Variants in IPCEF1 observed in about 807,000 individuals in gnomAD.
The protein encoded by IPCEF1 is interactor protein for cytohesin exchange factors 1.
IPCEF1 carries 31 observed loss-of-function variants against 50.9 expected under a neutral mutation model. The observed-to-expected ratio is 0.61, with a 90% CI of 0.46 to 0.82. The LOEUF (loss-of-function observed/expected upper bound fraction) is 0.82, where lower values mean the gene tolerates loss of function less well. Among genes scored for constraint, IPCEF1 ranks in the 40% least tolerant of loss-of-function variants. IPCEF1 has a pLI of 0.00. For missense variants in IPCEF1, 458 were observed against 514.0 expected, an observed-to-expected ratio of 0.89 and a Z score of 1.05; for synonymous variants, 181 against 192.0, an observed-to-expected ratio of 0.94 and a Z score of 0.47.
At chr6:154,212,280 G>C (rs539945962) in intron 9 of IPCEF1, among the ~76,000 whole-genome samples, 9 of 152,102 alleles carry the variant, frequency 5.9e-5, no homozygotes, top group African/African-American at 2.2e-4. Flanking sequence ...TTCCTCTCTA[G>C]TGAATACACA....
intron 11 of IPCEF1, among the ~76,000 whole-genome samples, chr6:154,162,973 A>C (rs931758070): frequency 6.6e-6 from 1 of 152,152 alleles, no homozygotes; most frequent in Non-Finnish European, 1.5e-5. Context: ...CAAAGCACTT[A>C]ATGGTAACTC....
At chr6:154,277,409 T>A (rs916330775) in intron 2 of IPCEF1, among the ~76,000 whole-genome samples, 1 of 152,212 alleles carries the variant, frequency 6.6e-6, no homozygotes, top group Non-Finnish European at 1.5e-5. Flanking sequence ...AGAATAGATT[T>A]GCTTTCTCTG....
chr6:154,232,169 C>T (rs982485690), intron 5 of IPCEF1, among the ~76,000 whole-genome samples: 1 of 152,064 alleles, frequency 6.6e-6, no homozygotes, highest in Non-Finnish European at 1.5e-5. Context: ...AAAGGAAATA[C>T]GAAGATTAGC....
chr6:154,163,383 G>C (rs1428363967), intron 11 of IPCEF1, among the ~76,000 whole-genome samples: 1 of 152,112 alleles, frequency 6.6e-6, no homozygotes, highest in Non-Finnish European at 1.5e-5. Flanking sequence ...TCCTTTTTCA[G>C]ATTTTACACA....
chr6:154,220,301 G>T (rs1227102539), intron 7 of IPCEF1, among the ~76,000 whole-genome samples: 1 of 152,104 alleles, frequency 6.6e-6, no homozygotes, highest in Non-Finnish European at 1.5e-5. Context: ...TGAGAATAGG[G>T]CTAAATCAAA....
intron 2 of IPCEF1, among the ~76,000 whole-genome samples, chr6:154,274,821 T>C (rs930772153): frequency 1.3e-5 from 2 of 152,216 alleles, no homozygotes; most frequent in African/African-American, 4.8e-5. Context: ...TTGCGCCCAA[T>C]CAAGGTTCCC....
At chr6:154,184,570 GA>G (rs1342850948) in intron 10 of IPCEF1, among the ~76,000 whole-genome samples, 1 of 151,820 alleles carries the variant, frequency 6.6e-6, no homozygotes, top group Non-Finnish European at 1.5e-5. Flanking sequence ...TTGGTACATA[GA>G]AAAAATACAC....
At chr6:154,235,142 T>C (rs938762820) in intron 5 of IPCEF1, among the ~76,000 whole-genome samples, 3 of 152,242 alleles carry the variant, frequency 2.0e-5, no homozygotes, top group African/African-American at 7.2e-5. Context: ...TAATCTACCA[T>C]CCATGGTTAT....
intron 3 of IPCEF1, among the ~76,000 whole-genome samples, chr6:154,248,524 T>C (rs1437589625): frequency 6.6e-6 from 1 of 152,174 alleles, no homozygotes; most frequent in African/African-American, 2.4e-5. Context: ...GTACAGCATT[T>C]TATAATGTTT....
rs562399896 is a variant in IPCEF1, at chr6:154,245,008, A to G, written c.246+1583T>C. On this transcript the variant is annotated intron_variant, in intron 5 of 11. Transcript: ENST00000367220. ...CCCCAAAACAAAGGCCTGAAATAATATGAGACAAGAAAGAGACATTTATAT... is the reference window on the plus strand; with the variant it reads ...CCCCAAAACAAAGGCCTGAAATAATGTGAGACAAGAAAGAGACATTTATAT... 3.3e-5 allele frequency among the ~76,000 whole-genome samples: 5 copies of G among 152,320 alleles called. No individual in the cohort carries two copies. In the South Asian group the frequency reaches 1.0e-3, roughly 32 times the overall value.
At chr6:154,268,469 C>A (rs1781813656) in intron 2 of IPCEF1, among the ~76,000 whole-genome samples, 1 of 152,222 alleles carries the variant, frequency 6.6e-6, no homozygotes, top group African/African-American at 2.4e-5. Flanking sequence ...TGTCCACACC[C>A]ATTGCCATCA....
chr6:154,316,323 A>T (rs180990461), intron 1 of IPCEF1, among the ~76,000 whole-genome samples: 17 of 152,324 alleles, frequency 1.1e-4, no homozygotes, highest in African/African-American at 3.8e-4. Flanking sequence ...TGGGAAACCA[A>T]AAAAATTAAG....
chr6:154,313,245 G>A (rs1783129934), intron 1 of IPCEF1, among the ~76,000 whole-genome samples: 1 of 151,522 alleles, frequency 6.6e-6, no homozygotes, highest in Admixed American at 6.6e-5. Context: ...AGTAGTGGTG[G>A]GTGCCTGTAA....
intron 10 of IPCEF1, among the ~76,000 whole-genome samples, chr6:154,175,380 C>T (rs1017637764): frequency 2.2e-5 from 3 of 136,024 alleles, no homozygotes; most frequent in African/African-American, 8.8e-5. Context: ...TCAGTGAATC[C>T]AGGAGCTTTT....
At chr6:154,216,135 T>C (rs1291343473) in intron 7 of IPCEF1, among the ~76,000 whole-genome samples, 1 of 152,114 alleles carries the variant, frequency 6.6e-6, no homozygotes, top group Non-Finnish European at 1.5e-5. Flanking sequence ...ATCAATCCTA[T>C]AGAAACACAC....
intron 1 of IPCEF1, among the ~76,000 whole-genome samples, chr6:154,329,392 T>C (rs746992794): frequency 4.6e-5 from 7 of 151,914 alleles, no homozygotes; most frequent in Non-Finnish European, 1.0e-4. Context: ...GCTCAGGAGT[T>C]TGAGATCAGC....
At chr6:154,267,087 G>C (rs1459283473) in intron 2 of IPCEF1, among the ~76,000 whole-genome samples, 2 of 151,802 alleles carry the variant, frequency 1.3e-5, no homozygotes, top group Non-Finnish European at 2.9e-5. Context: ...ATGTGAAAGA[G>C]ATAAACCACA....
intron 1 of IPCEF1, among the ~76,000 whole-genome samples, chr6:154,290,893 C>CTTTTTTTTTTTTTTTTTTTTTTTTTTTTT (rs3045866): frequency 1.6e-4 from 21 of 127,296 alleles, no homozygotes; most frequent in African/African-American, 6.3e-4. Context: ...AATATATTGC[C>CTTTTTTTTTTTTTTTTTTTTTTTTTTTTT]TTTTTTTTTT....
At chr6:154,163,343 G>A (rs1332043010) in intron 11 of IPCEF1, among the ~76,000 whole-genome samples, 2 of 152,118 alleles carry the variant, frequency 1.3e-5, no homozygotes, top group African/African-American at 4.8e-5. Context: ...GAAATATTCG[G>A]CCTCAGAGAA....
Sources: gnomAD v4.1 joint callset for allele counts (sites outside exome capture counted in the v4.1 genomes callset) on GRCh38, gnomAD v4.1.1 for gene constraint, MANE v1.5 for transcripts, NCBI Gene and HGNC (gene_info 2026-07-23, HGNC 2026-07-21) for gene names.